The following XKR6 variants were observed in gnomAD, a reference collection of about 807,000 sequenced individuals.
The protein encoded by XKR6 is XK-related protein 6.
Under a neutral mutation model 56.7 loss-of-function variants are expected in XKR6, and 22 were observed. That is an observed-to-expected ratio of 0.39 (90% CI 0.28 to 0.55). XKR6 has a LOEUF of 0.55. Among genes scored for constraint, XKR6 ranks in the 20% least tolerant of loss-of-function variants. The probability of loss-of-function intolerance (pLI) is 0.66; values close to 1 mark genes in which losing one functional copy is unlikely to be tolerated. For missense variants in XKR6, 852 were observed against 889.0 expected (o/e 0.96, Z 0.53); for synonymous variants, 524 against 387.8 (o/e 1.35, Z -4.13).
In XKR6 at chr8:11,133,186, C is replaced by T. The variant is rs193163471; in HGVS notation, c.764+67390G>A. Among the ~76,000 whole-genome samples the T allele has an allele frequency of 1.6e-3, 235 of 151,012 alleles. 1 individual carries two copies. The South Asian group carries it at 0.016, about 10-fold the overall frequency. On this transcript the variant is annotated intron_variant, in intron 1 of 2. Coordinates refer to ENST00000416569, the MANE Select transcript of XKR6 (RefSeq NM_173683.4). ...ACGCACATTTATAAAAAGCTTATCGCTTTCAGTCATCAGAAGTAAGGTATC... is the reference window on the plus strand; with the variant it reads ...ACGCACATTTATAAAAAGCTTATCGTTTTCAGTCATCAGAAGTAAGGTATC...
intron 1 of XKR6, among the ~76,000 whole-genome samples, chr8:10,990,895 CT>C (rs59410799): frequency 0.021 from 1,511 of 73,510 alleles, 5 homozygotes; most frequent in Admixed American, 0.026. Flanking sequence ...TGGGGAATGT[CT>C]TTTTTTTTTT....
chr8:10,973,124 G>T (rs531206113), intron 1 of XKR6, among the ~76,000 whole-genome samples: 1 of 152,214 alleles, frequency 6.6e-6, no homozygotes, highest in Non-Finnish European at 1.5e-5. Flanking sequence ...CTGAGAACAC[G>T]CATTATAGGA....
Position 10,924,723 on chromosome 8 carries a change from C to T in XKR6, c.872G>A (p.Arg291His), listed in dbSNP as rs1381629350. 1.2e-6 allele frequency: 2 copies of T among 1,613,798 alleles called. No individual in the cohort carries two copies. Among genetic ancestry groups the T allele is most frequent in the African/African-American group, 2.7e-5 (2 of 75,010 alleles). ...GCTCTCCAGGAAGGTCTCCAGGAGGCGCAGCATGTTGACGTCTGCATATTC... is the reference window on the plus strand; with the variant it reads ...GCTCTCCAGGAAGGTCTCCAGGAGGTGCAGCATGTTGACGTCTGCATATTC... ...MYEYADVNML[R>H]LLETFLESAP... The change falls in exon 2 of 3, where the codon CGC becomes CAC. Residue 291 changes from arginine (R) to histidine (H), a missense_variant. Physicochemically the swap from Arg to His is conservative, Grantham distance 29. Coordinates refer to ENST00000416569, the MANE Select transcript of XKR6 (RefSeq NM_173683.4).
intron 1 of XKR6, among the ~76,000 whole-genome samples, chr8:11,018,795 C>T (rs1348184817): frequency 6.6e-6 from 1 of 152,144 alleles, no homozygotes; most frequent in Admixed American, 6.5e-5. Context: ...AAAGAAGACC[C>T]AAACTCCTTT....
chr8:11,117,431 A>T (rs1391457788), intron 1 of XKR6, among the ~76,000 whole-genome samples: 3 of 152,232 alleles, frequency 2.0e-5, no homozygotes, highest in African/African-American at 7.2e-5. Flanking sequence ...AGAAAATCCC[A>T]AACTGAAGGA....
rs535480833 is a variant in XKR6 at position 11,039,579 on chromosome 8, G to A, written c.765-114749C>T. 5.9e-5 allele frequency among the ~76,000 whole-genome samples: 9 copies of A among 152,320 alleles called. 1 individual carries two copies. Among genetic ancestry groups the A allele is most frequent in the African/African-American group, 9.6e-5 (4 of 41,562 alleles). Reference sequence around the variant, plus strand: ...AAAGAACTTGGAACAGAGACAACACGCGCTGGCCCCAACGTCCAGGGTGGA... The same window carrying A: ...AAAGAACTTGGAACAGAGACAACACACGCTGGCCCCAACGTCCAGGGTGGA... On this transcript the variant is annotated intron_variant, in intron 1 of 2. Transcript: ENST00000416569.
chr8:10,972,269 G>T (rs55751799), intron 1 of XKR6, among the ~76,000 whole-genome samples: 289 of 152,294 alleles, frequency 1.9e-3, no homozygotes, highest in Non-Finnish European at 3.5e-3. Context: ...ATGAAATTCG[G>T]GGTTTGATGT....
In XKR6 at chr8:11,098,607, G is replaced by C. The variant is rs113163277; in HGVS notation, c.764+101969C>G. Among the ~76,000 whole-genome samples the C allele has an allele frequency of 1.4e-4, 22 of 152,276 alleles. 2 individuals are homozygous for C. Among genetic ancestry groups the C allele is most frequent in the African/African-American group, 5.3e-4 (22 of 41,550 alleles). Reference sequence around the variant, plus strand: ...GATGACTATGTGGTCATGCATGTTTGAATTATGTTCCTGTTTCCAATTAAA... The same window carrying C: ...GATGACTATGTGGTCATGCATGTTTCAATTATGTTCCTGTTTCCAATTAAA... On this transcript the variant is annotated intron_variant, in intron 1 of 2. Coordinates refer to ENST00000416569, the MANE Select transcript of XKR6 (RefSeq NM_173683.4).
intron 1 of XKR6, among the ~76,000 whole-genome samples, chr8:10,984,732 C>CTATATATATATATATATATA (rs58774414): frequency 1.6e-3 from 74 of 47,414 alleles, no homozygotes; most frequent in Non-Finnish European, 1.9e-3. Context: ...CTCTCTCTCT[C>CTATATATATATATATATATA]TATATATATA....
At chr8:11,186,524 T>TCCTCCCAACTA (rs1803285529) in intron 1 of XKR6, among the ~76,000 whole-genome samples, 1 of 152,110 alleles carries the variant, frequency 6.6e-6, no homozygotes, top group Non-Finnish European at 1.5e-5. Context: ...ACCACAGGTG[T>TCCTCCCAACTA]GCCACACCAC....
intron 1 of XKR6, among the ~76,000 whole-genome samples, chr8:10,980,062 C>T (rs115914694): frequency 1.3e-5 from 2 of 152,226 alleles, no homozygotes; most frequent in Non-Finnish European, 2.9e-5. Context: ...CTGAGATGAA[C>T]AGACAGGGGA....
Position 10,898,833 on chromosome 8 carries a change from TGTC to T in XKR6, c.1042_1044del (p.Asp348del). 6.2e-7 allele frequency: 1 copy of T among 1,614,158 alleles called. No homozygotes were observed. Among genetic ancestry groups the T allele is most frequent in the Non-Finnish European group, 8.5e-7 (1 of 1,180,024 alleles). ...GCCCCTCTGTAGCTCATGCTCTTCT[TGTC>T]GTCCCTGGAGTCCCGCAGCAGCTTG... is the stretch of plus-strand genomic sequence containing the variant. On this transcript the variant is annotated inframe_deletion, in exon 3 of 3. Coordinates refer to ENST00000416569, the MANE Select transcript of XKR6 (RefSeq NM_173683.4). This position sits in a 1 kb window ranked among gnomAD's most constrained non-coding sequence, Gnocchi z 6.6.
chr8:11,096,042 A>G (rs1798254442), intron 1 of XKR6, among the ~76,000 whole-genome samples: 1 of 152,270 alleles, frequency 6.6e-6, no homozygotes, highest in South Asian at 2.1e-4. Context: ...CTGAATGTCA[A>G]AAATGCTATC....
At chr8:11,190,105 C>A (rs1191442841) in intron 1 of XKR6, among the ~76,000 whole-genome samples, 1 of 150,006 alleles carries the variant, frequency 6.7e-6, no homozygotes, top group African/African-American at 2.5e-5. Flanking sequence ...TGCAGTGAGC[C>A]GAGATCGCGC....
In XKR6 at chr8:11,064,669, TC is replaced by T. The variant is rs563565511; in HGVS notation, c.764+135906del. Among the ~76,000 whole-genome samples, 444 of 152,334 alleles carry T rather than the reference TC, an allele frequency of 2.9e-3. 2 individuals are homozygous for T. The highest frequency in any genetic ancestry group is 0.01 in the African/African-American group (422 of 41,572). On this transcript the variant is annotated intron_variant, in intron 1 of 2. Transcript: ENST00000416569. ...CTCTATTCTTTCATTCTCTTTTCCC[TC>T]CAGGCATTTATAATTCTTCCACTTC...
chr8:11,147,999 C>T (rs1801075978), intron 1 of XKR6, among the ~76,000 whole-genome samples: 1 of 152,052 alleles, frequency 6.6e-6, no homozygotes, highest in South Asian at 2.1e-4. Flanking sequence ...CACTTGAGGT[C>T]AGGAGTTGGA....
chr8:11,182,888 G>A lies in XKR6; in HGVS notation c.764+17688C>T, dbSNP rs1244733874. Among the ~76,000 whole-genome samples, 3 of 152,186 alleles carry A rather than the reference G, an allele frequency of 2.0e-5. No homozygotes were observed. The East Asian group carries it at 5.8e-4, about 29-fold the overall frequency. ...TAACTCCACGTATCCCCTCGCCCCA[G>A]CCCCTGGCAGCCCCCTTTCTACTAT... On this transcript the variant is annotated intron_variant, in intron 1 of 2. Transcript: ENST00000416569.
At chr8:11,031,175 A>T (rs777791835) in intron 1 of XKR6, among the ~76,000 whole-genome samples, 13 of 152,222 alleles carry the variant, frequency 8.5e-5, no homozygotes, top group Non-Finnish European at 1.6e-4. Flanking sequence ...GCCAATCAGA[A>T]TCTGGTATTG....
At chr8:10,962,628 G>T (rs1007176230) in intron 1 of XKR6, among the ~76,000 whole-genome samples, 2 of 150,522 alleles carry the variant, frequency 1.3e-5, no homozygotes, top group African/African-American at 4.9e-5. Context: ...TTTTTGTTTT[G>T]TTTTTTTTTG....
Sources: gnomAD v4.1 joint callset for allele counts (sites outside exome capture counted in the v4.1 genomes callset) on GRCh38, gnomAD v4.1.1 for gene constraint, Gnocchi (gnomAD v3.1) non-coding constraint, MANE v1.5 for transcripts, NCBI Gene and HGNC (gene_info 2026-07-23, HGNC 2026-07-21) for gene names.